IL36B: variants seen among roughly 807,000 people sequenced by gnomAD.
The protein encoded by IL36B is interleukin 36 beta.
Under a neutral mutation model 19.3 loss-of-function variants are expected in IL36B, and 23 were observed. The observed-to-expected ratio is 1.19, with a 90% confidence interval of 0.86 to 1.69. IL36B has a LOEUF of 1.69. IL36B is among the 40% of genes most tolerant of loss of function. The pLI, the probability that IL36B is intolerant of heterozygous loss-of-function variation, is 0.00. For synonymous variants in IL36B, 59 were observed against 59.7 expected, an observed-to-expected ratio of 0.99 and a Z score of 0.05; for missense variants, 217 against 200.5, an observed-to-expected ratio of 1.08 and a Z score of -0.50.
chr2:113,031,585 G>A, intron 2 of IL36B, 112 bp downstream of exon 2: 2 of 945,622 alleles, frequency 2.1e-6, no homozygotes, highest in Non-Finnish European at 3.4e-6. Flanking sequence ...GAGTGTTTTA[G>A]CAAGAGCAAA....
chr2:113,046,001 CTG>C (rs892836995), intron 1 of IL36B, among the ~76,000 whole-genome samples: 1 of 152,120 alleles, frequency 6.6e-6, no homozygotes, highest in African/African-American at 2.4e-5. Flanking sequence ...ATGTCAGACA[CTG>C]TAATTTTACT....
At position 113,051,765 on chromosome 2, in the gene IL36B, T is replaced by G. The variant is rs140991376; in HGVS notation, c.-58+1052A>C. 1.8e-3 allele frequency among the ~76,000 whole-genome samples: 267 copies of G among 152,302 alleles called. 2 individuals carry two copies. Among genetic ancestry groups the G allele is most frequent in the African/African-American group, 5.9e-3 (246 of 41,568 alleles). On this transcript the variant is annotated intron_variant, in intron 1 of 5. Transcript: ENST00000259213. ...CTTCTGCTCACGGCTCCCTGGAGGC[T>G]GTGTCTGTGCATGCACACCATCACT...
intron 4 of IL36B, chr2:113,027,649 G>T: frequency 7.6e-7 from 1 of 1,317,688 alleles, no homozygotes; most frequent in Non-Finnish European, 9.7e-7. Context: ...TGGCAGCTGA[G>T]TGGATGGTGG....
intron 1 of IL36B, among the ~76,000 whole-genome samples, chr2:113,032,001 G>T (rs1685084981): frequency 6.6e-6 from 1 of 152,102 alleles, no homozygotes; most frequent in Non-Finnish European, 1.5e-5. Context: ...AGGCTGTGAT[G>T]GTCTTGGTAT....
At chr2:113,033,322 C>T (rs1030344210) in intron 1 of IL36B, among the ~76,000 whole-genome samples, 2 of 152,188 alleles carry the variant, frequency 1.3e-5, no homozygotes, top group South Asian at 4.1e-4. Flanking sequence ...ACTTCCGCCT[C>T]TCAGGTTCAA....
At chr2:113,043,206 T>C (rs1365860316) in intron 1 of IL36B, among the ~76,000 whole-genome samples, 1 of 152,152 alleles carries the variant, frequency 6.6e-6, no homozygotes, top group Non-Finnish European at 1.5e-5. Context: ...ATATATACAT[T>C]ACAAGTATTT....
chr2:113,046,208 CTTTTTTTTTTTTT>C (rs1179343491), intron 1 of IL36B, among the ~76,000 whole-genome samples: 1 of 11,200 alleles, frequency 8.9e-5, no homozygotes, highest in Non-Finnish European at 1.5e-4. Context: ...CAGGTTTTTT[CTTTTTTTTTTTTT>C]TTTTTTGAGA....
chr2:113,026,811 T>A (rs1313863171), intron 4 of IL36B, among the ~76,000 whole-genome samples: 1 of 152,220 alleles, frequency 6.6e-6, no homozygotes, highest in Non-Finnish European at 1.5e-5. Flanking sequence ...CATTCAGTTC[T>A]AGAAGTTGTC....
intron 3 of IL36B, among the ~76,000 whole-genome samples, chr2:113,030,243 G>A (rs1184652047): frequency 1.3e-5 from 2 of 151,736 alleles, no homozygotes; most frequent in African/African-American, 2.4e-5. Flanking sequence ...AAAAAAAAAA[G>A]GGAGAAGATG....
At chr2:113,040,811 G>A (rs7570159) in intron 1 of IL36B, among the ~76,000 whole-genome samples, 114,780 of 152,194 alleles carry the variant, frequency 0.75, 43,742 homozygotes, top group East Asian at 0.94. Context: ...GTCAGTCTAT[G>A]GATTCCATGA....
intron 5 of IL36B, chr2:113,026,081 G>A: frequency 6.2e-7 from 1 of 1,611,592 alleles, no homozygotes. Flanking sequence ...CTGTGGGATG[G>A]ATAAGAGAAT....
chr2:113,049,761 C>T (rs1685410352), intron 1 of IL36B, among the ~76,000 whole-genome samples: 1 of 152,150 alleles, frequency 6.6e-6, no homozygotes, highest in South Asian at 2.1e-4. Context: ...TTGAGACCAG[C>T]TTGGTCACCA....
At chr2:113,023,267 A>G (rs1178444157) in intron 5 of IL36B, among the ~76,000 whole-genome samples, 1 of 152,196 alleles carries the variant, frequency 6.6e-6, no homozygotes, top group Non-Finnish European at 1.5e-5. Flanking sequence ...TGCTCAAAAC[A>G]TATTTGTTGA....
At chr2:113,037,541 C>T (rs898007399) in intron 1 of IL36B, among the ~76,000 whole-genome samples, 1 of 151,724 alleles carries the variant, frequency 6.6e-6, no homozygotes, top group African/African-American at 2.4e-5. Context: ...CCCAGCTACT[C>T]GGGAGGCTGA....
At chr2:113,036,794 T>C (rs1444490962) in intron 1 of IL36B, among the ~76,000 whole-genome samples, 1 of 152,172 alleles carries the variant, frequency 6.6e-6, no homozygotes, top group Non-Finnish European at 1.5e-5. Context: ...GGTGTGAAGG[T>C]AGGTGGATGA....
intron 3 of IL36B, among the ~76,000 whole-genome samples, chr2:113,029,565 G>A (rs1685034881): frequency 6.6e-6 from 1 of 152,222 alleles, no homozygotes; most frequent in Non-Finnish European, 1.5e-5. Flanking sequence ...GATGTCTCCT[G>A]TATTTCCGGC....
intron 1 of IL36B, among the ~76,000 whole-genome samples, chr2:113,046,612 A>T (rs567445852): frequency 6.6e-6 from 1 of 152,260 alleles, no homozygotes; most frequent in South Asian, 2.1e-4. Flanking sequence ...TAAAAATTTC[A>T]TAGGCTTTGT....
At chr2:113,023,142 G>A (rs1201975798) in intron 5 of IL36B, among the ~76,000 whole-genome samples, 1 of 152,176 alleles carries the variant, frequency 6.6e-6, no homozygotes, top group Non-Finnish European at 1.5e-5. Context: ...GATGGCGATT[G>A]GAAGGAGGGA....
At chr2:113,030,662 A>T (rs1406031961) in intron 3 of IL36B, among the ~76,000 whole-genome samples, 1 of 152,202 alleles carries the variant, frequency 6.6e-6, no homozygotes, top group Non-Finnish European at 1.5e-5. Context: ...AGAAAAGAGG[A>T]TGCCAACTTA....
Sources: gnomAD v4.1 joint callset for allele counts (sites outside exome capture counted in the v4.1 genomes callset) on GRCh38, gnomAD v4.1.1 for gene constraint, MANE v1.5 for transcripts, NCBI Gene and HGNC (gene_info 2026-07-23, HGNC 2026-07-21) for gene names.